Variants in STIL observed in about 807,000 individuals in gnomAD.
The protein encoded by STIL is STIL centriolar assembly protein, also known as SCL-interrupting locus protein.
Under a neutral mutation model 110.1 loss-of-function variants are expected in STIL, and 55 were observed. The observed-to-expected ratio is 0.50, with a 90% CI of 0.40 to 0.63. STIL has a LOEUF of 0.63. STIL is among the 20% of genes least tolerant of loss of function. The pLI is 0.00. For missense variants in STIL, 1,358 were observed against 1,530.0 expected (o/e 0.89, Z 1.87); for synonymous variants, 481 against 530.0 (o/e 0.91, Z 1.27).
intron 13 of STIL, among the ~76,000 whole-genome samples, chr1:47,271,178 T>G (rs1644825047): frequency 6.6e-6 from 1 of 152,230 alleles, no homozygotes; most frequent in South Asian, 2.1e-4. Context: ...AATATTAATC[T>G]GTATAACACC....
At position 47,281,095 on chromosome 1, in the gene STIL, A is replaced by C. The variant is rs545798346; in HGVS notation, c.1363T>G (p.Leu455Val). Reference sequence around the variant, plus strand: ...TTCAAGTGTTCCAAGTGGTTAATCAAAGGAGGATTTTCATTATTCACCATT... The same window carrying C: ...TTCAAGTGTTCCAAGTGGTTAATCACAGGAGGATTTTCATTATTCACCATT... ...LEMVNNENPP[L>V]INHLEHLKPL... The change falls in exon 12 of 17, where the codon TTG (leucine) becomes GTG (valine). Residue 455 changes from leucine to valine, a missense_variant. By Grantham distance (32) the Leu-to-Val change is conservative (BLOSUM62 1). Coordinates refer to ENST00000371877, the MANE Select transcript of STIL (RefSeq NM_001048166.1). 1.2e-5 allele frequency: 19 copies of C among 1,614,194 alleles called. No individual in the cohort carries two copies. The African/African-American group carries it at 2.0e-4, about 17-fold the overall frequency.
chr1:47,293,423 C>A (rs770281466), intron 8 of STIL, 35 bp downstream of exon 8: 1 of 1,543,240 alleles, frequency 6.5e-7, no homozygotes, highest in Non-Finnish European at 9.0e-7. Context: ...GGGAAAGGAT[C>A]GAAATAAAGT....
chr1:47,258,793 C>T (rs1317737783), intron 16 of STIL, among the ~76,000 whole-genome samples: 3 of 152,010 alleles, frequency 2.0e-5, no homozygotes, highest in East Asian at 1.9e-4. Context: ...TCACTTGAGT[C>T]CAGGAGGTTG....
chr1:47,296,858 G>A (rs566020807), intron 6 of STIL, among the ~76,000 whole-genome samples: 15 of 152,202 alleles, frequency 9.9e-5, no homozygotes, highest in Admixed American at 9.2e-4. Context: ...ATAAAGCCTT[G>A]GCAGTACCAC....
intron 12 of STIL, among the ~76,000 whole-genome samples, chr1:47,272,952 T>C (rs188137540): frequency 6.6e-6 from 1 of 152,248 alleles, no homozygotes; most frequent in Admixed American, 6.5e-5. Flanking sequence ...CATGTTGAAA[T>C]TGGATATATT....
intron 14 of STIL, among the ~76,000 whole-genome samples, chr1:47,265,246 A>AAAC (rs1644607007): frequency 6.7e-6 from 1 of 150,354 alleles, no homozygotes; most frequent in African/African-American, 2.4e-5. Context: ...CCAAAAAAAA[A>AAAC]AAAAAAAAAA....
chr1:47,272,145 C>T lies in STIL; in HGVS notation c.2314G>A (p.Val772Ile), dbSNP rs1189447311. 1 of 1,614,168 alleles carries T rather than the reference C, an allele frequency of 6.2e-7. No individual in the cohort carries two copies. Among genetic ancestry groups the T allele is most frequent in the Admixed American group, 1.7e-5 (1 of 60,026 alleles). The change falls in exon 13 of 17, where the codon GTT becomes ATT. Residue 772 changes from valine to isoleucine, a missense_variant. Transcript: ENST00000371877. ...TVQAGRQMELVSVEAQSSPGL... is the reference protein window; with the variant it reads ...TVQAGRQMELISVEAQSSPGL... ...GGGGAAGACTGTGCTTCCACAGAAA[C>T]CAACTCCATTTGTCTTCCAGCTTGC... is the stretch of plus-strand genomic sequence containing the variant.
chr1:47,271,913 T>C (rs1644852048), intron 13 of STIL, among the ~76,000 whole-genome samples, 163 bp downstream of exon 13: 1 of 152,232 alleles, frequency 6.6e-6, no homozygotes. Flanking sequence ...GGTGTAGTTT[T>C]ATTTCACAAA....
In STIL at chr1:47,282,470, G is replaced by C. The variant is rs1415154339; in HGVS notation, c.1134-11C>G. The C allele has an allele frequency of 1.3e-6, 2 of 1,530,442 alleles. No homozygotes were observed. The highest frequency in any genetic ancestry group is 3.3e-5 in the Admixed American group (2 of 59,892). 94.8% of individuals were successfully genotyped at this position (1,530,442 alleles called of 1,614,324 possible). On this transcript the variant is annotated splice_polypyrimidine_tract_variant and intron_variant, in intron 10 of 16. Coordinates refer to ENST00000371877, the MANE Select transcript of STIL (RefSeq NM_001048166.1). Reference sequence around the variant, plus strand: ...AACTTTTGGGAAGACCTAAAGAATAGAAGGGGAGACCAGAAAAGCCTTTGG... The same window carrying C: ...AACTTTTGGGAAGACCTAAAGAATACAAGGGGAGACCAGAAAAGCCTTTGG...
rs753892028 is a variant in STIL, at chr1:47,299,662, G to C, written c.701+243C>G. 111 of 427,332 alleles carry C rather than the reference G, an allele frequency of 2.6e-4. 1 individual carries two copies. Among genetic ancestry groups the C allele is most frequent in the Middle Eastern group, 7.1e-4 (1 of 1,400 alleles). The allele number at this position is 427,332 out of a possible 1,614,324, so 26.5% of individuals were successfully genotyped here. ...CCCGCCTAGGCCTCCCAAAGTACTG[G>C]GATTACAGGTGTGAGCCACTGCGCC... On this transcript the variant is annotated intron_variant, in intron 6 of 16. Transcript: ENST00000371877.
chr1:47,293,711 T>C (rs1227768607), intron 7 of STIL, among the ~76,000 whole-genome samples, 167 bp from the exon 8 acceptor site: 1 of 152,112 alleles, frequency 6.6e-6, no homozygotes, highest in African/African-American at 2.4e-5. Flanking sequence ...AGGAAGAATA[T>C]ATAGACATTT....
rs532250667 is a variant in STIL at position 47,302,498 on chromosome 1, C to T, written c.153-152G>A. 12 of 675,806 alleles carry T rather than the reference C, an allele frequency of 1.8e-5. No homozygotes were observed. The Middle Eastern group carries it at 1.4e-3, about 76-fold the overall frequency. 41.9% of individuals were successfully genotyped at this position (675,806 alleles called of 1,614,324 possible). ...ATCCCAGGGTCAAAGGCAGGGGATA[C>T]GGAGGGCCACTTGGAAACTAGAATG... On this transcript the variant is annotated intron_variant, in intron 3 of 16. Coordinates refer to ENST00000371877, the MANE Select transcript of STIL (RefSeq NM_001048166.1).
Position 47,282,413 on chromosome 1 carries a change from C to T in STIL, c.1180G>A (p.Asp394Asn), listed in dbSNP as rs764306048. ...SSGKMPIHDH[D>N]SGVEDEDFSP... ...AAATCTTCATCTTCAACACCAGAGT[C>T]GTGATCATGTATTGGCATCTTCCCA... Residue 394 changes from aspartate to asparagine, a missense_variant, in exon 11 of 17, where the codon GAC (aspartate) becomes AAC (asparagine). Transcript: ENST00000371877. 1.2e-5 allele frequency: 20 copies of T among 1,613,202 alleles called. No individual in the cohort carries two copies. The highest frequency in any genetic ancestry group is 1.7e-4 in the Middle Eastern group (1 of 6,056).
upstream of STIL, chr1:47,314,278 C>T (rs1646225503): frequency 6.6e-6 from 1 of 152,286 alleles, no homozygotes; most frequent in South Asian, 2.1e-4. Context: ...ATTGGTGTGC[C>T]GACCAATCAG....
intron 12 of STIL, among the ~76,000 whole-genome samples, chr1:47,273,621 T>C (rs1481727061): frequency 6.6e-6 from 1 of 152,216 alleles, no homozygotes; most frequent in Non-Finnish European, 1.5e-5. Context: ...TTTAGGTTGT[T>C]TTCACTTTGG....
rs374399906 is a variant in STIL, at chr1:47,280,488, C to G, written c.1970G>C (p.Cys657Ser). The change falls in exon 12 of 17, where the codon TGT becomes TCT. Residue 657 changes from cysteine (C) to serine (S), a missense_variant. By Grantham distance (112) the Cys-to-Ser change is moderately radical. Transcript: ENST00000371877. ...CAAGGCTATAGGACTACTTGAAGAA[C>G]AGAATGCATTACAGTACAGGGCTGG... is the stretch of plus-strand genomic sequence containing the variant. Reference protein sequence around the residue: ...GCPALYCNAFCSSSSPIALRP... With the variant: ...GCPALYCNAFSSSSSPIALRP... 7.4e-6 allele frequency: 12 copies of G among 1,614,244 alleles called. No individual in the cohort carries two copies. Among genetic ancestry groups the G allele is most frequent in the Middle Eastern group, 1.6e-4 (1 of 6,062 alleles).
chr1:47,272,118 C>G lies in STIL; in HGVS notation c.2341G>C (p.Gly781Arg). The G allele has an allele frequency of 6.2e-7, 1 of 1,614,138 alleles. No homozygotes were observed. The highest frequency in any genetic ancestry group is 8.5e-7 in the Non-Finnish European group (1 of 1,180,020). Residue 781 changes from glycine to arginine, a missense_variant, in exon 13 of 17, where the codon GGC becomes CGC. Coordinates refer to ENST00000371877, the MANE Select transcript of STIL (RefSeq NM_001048166.1). ...LVSVEAQSSPGLHMRKGVSIA... is the reference protein window; with the variant it reads ...LVSVEAQSSPRLHMRKGVSIA... ...CTTACACCTTTTCTCATGTGCAAGC[C>G]AGGGGAAGACTGTGCTTCCACAGAA...
chr1:47,268,206 G>GCC (rs1194442656), intron 14 of STIL, among the ~76,000 whole-genome samples: 41 of 152,202 alleles, frequency 2.7e-4, no homozygotes, highest in African/African-American at 9.4e-4. Context: ...CAGCACTTTG[G>GCC]AAGGCTGAGG....
At chr1:47,286,208 C>A (rs1645294082) in intron 10 of STIL, among the ~76,000 whole-genome samples, 3 of 151,970 alleles carry the variant, frequency 2.0e-5, no homozygotes, top group African/African-American at 7.3e-5. Flanking sequence ...ATGAAAGTAT[C>A]ATATGTTTGC....
Sources: gnomAD v4.1 joint callset for allele counts (sites outside exome capture counted in the v4.1 genomes callset) on GRCh38, gnomAD v4.1.1 for gene constraint, MANE v1.5 for transcripts, NCBI Gene and HGNC (gene_info 2026-07-23, HGNC 2026-07-21) for gene names.